The following DPY19L2 variants were observed in gnomAD, a reference collection of about 807,000 sequenced individuals.
The protein encoded by DPY19L2 is dpy-19 like 2, also known as probable C-mannosyltransferase DPY19L2.
In DPY19L2, 34 loss-of-function variants were observed where a neutral mutation model predicts 97.9. That is an observed-to-expected ratio of 0.35 (90% CI 0.26 to 0.46). The LOEUF (loss-of-function observed/expected upper bound fraction) is 0.46. DPY19L2 is among the 20% of genes least tolerant of loss of function. DPY19L2 has a pLI of 1.00. For synonymous variants in DPY19L2, 230 were observed against 307.9 expected, an observed-to-expected ratio of 0.75 and a Z score of 2.65; for missense variants, 623 against 911.4, an observed-to-expected ratio of 0.68 and a Z score of 4.07.
chr12:63,644,757 G>A lies in DPY19L2; in HGVS notation c.710-261C>T, dbSNP rs188067498. Among the ~76,000 whole-genome samples, 895 of 152,020 alleles carry A rather than the reference G, an allele frequency of 5.9e-3. 1 individual carries two copies. Among genetic ancestry groups the A allele is most frequent in the African/African-American group, 0.021 (859 of 41,442 alleles). On this transcript the variant is annotated intron_variant, in intron 5 of 21. Coordinates refer to ENST00000324472, the MANE Select transcript of DPY19L2 (RefSeq NM_173812.5). ...GTATGTAAGCTCACCCTTAATGAGT[G>A]ATTATATAGTTACACTTATACTTTA...
chr12:63,628,957 G>T (rs1268546280), intron 6 of DPY19L2, among the ~76,000 whole-genome samples: 7 of 151,876 alleles, frequency 4.6e-5, no homozygotes, highest in Non-Finnish European at 7.4e-5. Context: ...CGCAAACAGG[G>T]TCTGGAGTGG....
At chr12:63,634,442 G>T (rs1448656200) in intron 6 of DPY19L2, among the ~76,000 whole-genome samples, 3 of 152,120 alleles carry the variant, frequency 2.0e-5, no homozygotes, top group Admixed American at 1.3e-4. Flanking sequence ...TCTCACTGGG[G>T]CTTGTCCAAT....
chr12:63,607,527 G>A (rs1342788173), intron 12 of DPY19L2, among the ~76,000 whole-genome samples: 2 of 152,112 alleles, frequency 1.3e-5, no homozygotes, highest in East Asian at 1.9e-4. Context: ...CATAAAGGAT[G>A]GGAGAATGCC....
intron 19 of DPY19L2, among the ~76,000 whole-genome samples, chr12:63,577,693 C>G (rs1880100931): frequency 6.6e-6 from 1 of 152,086 alleles, no homozygotes; most frequent in Non-Finnish European, 1.5e-5. Context: ...CATCACTGAT[C>G]ATCAGAGAAA....
chr12:63,619,300 T>C (rs1176930606), intron 9 of DPY19L2, among the ~76,000 whole-genome samples: 3 of 152,122 alleles, frequency 2.0e-5, no homozygotes, highest in Admixed American at 1.3e-4. Flanking sequence ...ATTAGCCAGA[T>C]GTGGTTGCAC....
intron 12 of DPY19L2, among the ~76,000 whole-genome samples, chr12:63,603,457 A>G (rs887684189): frequency 2.0e-5 from 3 of 152,102 alleles, no homozygotes; most frequent in African/African-American, 7.2e-5. Context: ...TCCTGCACCT[A>G]TCAACCCATT....
chr12:63,655,281 G>A (rs1046514439), intron 4 of DPY19L2, among the ~76,000 whole-genome samples: 3 of 152,134 alleles, frequency 2.0e-5, no homozygotes, highest in African/African-American at 7.2e-5. Flanking sequence ...CACTACATAT[G>A]TGTAAGAATG....
At chr12:63,634,693 C>G (rs1342999806) in intron 6 of DPY19L2, among the ~76,000 whole-genome samples, 5 of 152,166 alleles carry the variant, frequency 3.3e-5, no homozygotes, top group Non-Finnish European at 2.9e-5. Context: ...GCTAGCACAG[C>G]AGTCTGAGAT....
chr12:63,575,354 A>G (rs1188646308), intron 19 of DPY19L2, among the ~76,000 whole-genome samples: 3 of 151,946 alleles, frequency 2.0e-5, no homozygotes, highest in Non-Finnish European at 4.4e-5. Flanking sequence ...GTAAGTGCCC[A>G]CATCAAAAAA....
chr12:63,573,032 G>C (rs1879165702), intron 19 of DPY19L2, among the ~76,000 whole-genome samples: 1 of 151,994 alleles, frequency 6.6e-6, no homozygotes, highest in African/African-American at 2.4e-5. Flanking sequence ...ACTCTTCAAT[G>C]CCCAGACACC....
intron 4 of DPY19L2, among the ~76,000 whole-genome samples, chr12:63,654,377 A>C (rs1894681230): frequency 6.6e-6 from 1 of 152,162 alleles, no homozygotes; most frequent in South Asian, 2.1e-4. Flanking sequence ...AACAATGTTC[A>C]AATAAAATGT....
intron 8 of DPY19L2, 50 bp downstream of exon 8, chr12:63,623,990 A>G (rs751813321): frequency 4.1e-6 from 6 of 1,446,932 alleles, no homozygotes; most frequent in Non-Finnish European, 5.8e-6. Context: ...GTATATTTTA[A>G]GAAACTTAAA....
intron 9 of DPY19L2, among the ~76,000 whole-genome samples, chr12:63,619,693 TG>T (rs1888375052): frequency 1.3e-5 from 2 of 151,936 alleles, no homozygotes; most frequent in South Asian, 4.1e-4. Flanking sequence ...TTAGTAGAGA[TG>T]GGGTTTCACC....
chr12:63,635,026 C>T (rs1465269435), intron 6 of DPY19L2, among the ~76,000 whole-genome samples: 1 of 152,152 alleles, frequency 6.6e-6, no homozygotes, highest in African/African-American at 2.4e-5. Context: ...CTGGGAGGCA[C>T]CCCCCAGTAG....
intron 16 of DPY19L2, among the ~76,000 whole-genome samples, chr12:63,591,642 T>C (rs986998483): frequency 2.0e-5 from 3 of 152,052 alleles, no homozygotes; most frequent in Admixed American, 6.6e-5. Flanking sequence ...AAAAATGTTA[T>C]ACAATAAATA....
chr12:63,565,103 G>A (rs1157687165), intron 21 of DPY19L2, among the ~76,000 whole-genome samples: 1 of 152,010 alleles, frequency 6.6e-6, no homozygotes, highest in Non-Finnish European at 1.5e-5. Context: ...TAACCTCTTC[G>A]TTTCTTTATA....
chr12:63,645,285 G>A (rs1468540733), intron 5 of DPY19L2, among the ~76,000 whole-genome samples: 3 of 152,090 alleles, frequency 2.0e-5, no homozygotes, highest in Non-Finnish European at 4.4e-5. Context: ...GATTCCCCCT[G>A]CCTCTCTGAT....
intron 16 of DPY19L2, among the ~76,000 whole-genome samples, chr12:63,593,637 T>C (rs1212588264): frequency 6.6e-6 from 1 of 151,844 alleles, no homozygotes; most frequent in Non-Finnish European, 1.5e-5. Flanking sequence ...CTGGGGACTG[T>C]TGTGGGGTAG....
intron 6 of DPY19L2, among the ~76,000 whole-genome samples, chr12:63,635,366 C>T (rs890870671): frequency 2.6e-5 from 4 of 152,098 alleles, no homozygotes; most frequent in South Asian, 2.1e-4. Context: ...TTCTAAAAAC[C>T]GGAGTGCCTC....
Sources: allele counts gnomAD v4.1 joint callset (sites outside exome capture counted in the v4.1 genomes callset), GRCh38; gene constraint gnomAD v4.1.1; transcripts MANE v1.5; gene names NCBI Gene and HGNC (gene_info 2026-07-23, HGNC 2026-07-21).